FYN: variants seen among roughly 807,000 people sequenced by gnomAD.
The protein encoded by FYN is tyrosine-protein kinase Fyn.
Under a neutral mutation model 70.2 loss-of-function variants are expected in FYN, and 10 were observed. The ratio of observed to expected loss-of-function variants is 0.14; its 90% CI spans 0.09 to 0.24. FYN has a LOEUF of 0.24. Among genes scored for constraint, FYN ranks in the 10% least tolerant of loss-of-function variants. The probability of loss-of-function intolerance (pLI) is 1.00; values close to 1 mark genes in which losing one functional copy is unlikely to be tolerated. For missense variants in FYN, 319 were observed against 673.1 expected (o/e 0.47, Z 5.82); for synonymous variants, 236 against 248.6 (o/e 0.95, Z 0.48).
chr6:111,717,300 A>G (rs1273682671), intron 4 of FYN, among the ~76,000 whole-genome samples: 2 of 152,182 alleles, frequency 1.3e-5, no homozygotes, highest in African/African-American at 4.8e-5. Flanking sequence ...TTGAAAAAAA[A>G]AAGAAATTAA....
chr6:111,798,005 C>T (rs571888001), intron 2 of FYN, among the ~76,000 whole-genome samples: 7 of 152,054 alleles, frequency 4.6e-5, no homozygotes, highest in South Asian at 4.2e-4. Flanking sequence ...TCAGGTGATC[C>T]GCCCGCCTCG....
intron 2 of FYN, among the ~76,000 whole-genome samples, chr6:111,830,777 G>A (rs1400465738): frequency 2.0e-5 from 3 of 152,128 alleles, no homozygotes; most frequent in Admixed American, 2.0e-4. Flanking sequence ...GAGGATATAA[G>A]GGGATGAGCT....
At chr6:111,662,035 G>C in intron 13 of FYN, 88 bp from the exon 14 acceptor site, 2 of 1,113,320 alleles carry the variant, frequency 1.8e-6, no homozygotes, top group South Asian at 3.0e-5. Context: ...TCTTCTTTGC[G>C]TCTGCATGTG....
intron 2 of FYN, among the ~76,000 whole-genome samples, chr6:111,842,727 C>T (rs1042635122): frequency 2.0e-5 from 3 of 152,228 alleles, no homozygotes; most frequent in African/African-American, 7.2e-5. Flanking sequence ...AAGCTGGATT[C>T]CTGATGCGGC....
chr6:111,750,938 CA>C (rs1041907923), intron 3 of FYN, among the ~76,000 whole-genome samples: 1 of 152,084 alleles, frequency 6.6e-6, no homozygotes, highest in African/African-American at 2.4e-5. Context: ...TGAATGAGTG[CA>C]AGCCTCAGTG....
At chr6:111,872,821 C>T (rs1774324650) in intron 1 of FYN, 147 bp downstream of exon 1, 1 of 151,652 alleles carries the variant, frequency 6.6e-6, no homozygotes, top group Non-Finnish European at 1.5e-5. Context: ...GCACCGACTC[C>T]CCGGCAGCCC....
intron 1 of FYN, among the ~76,000 whole-genome samples, chr6:111,854,543 G>C (rs1442500628): frequency 6.6e-6 from 1 of 152,186 alleles, no homozygotes; most frequent in African/African-American, 2.4e-5. Context: ...AACACAGAAA[G>C]TTATAGGTTA....
At chr6:111,870,047 T>A (rs181698492) in intron 1 of FYN, among the ~76,000 whole-genome samples, 1,812 of 152,354 alleles carry the variant, frequency 0.012, 37 homozygotes, top group African/African-American at 0.042. Flanking sequence ...TAAGTGGCAG[T>A]GTTTGACAAA....
At chr6:111,687,605 G>GGTGGGTGTGT (rs767398366) in intron 12 of FYN, among the ~76,000 whole-genome samples, 4 of 143,364 alleles carry the variant, frequency 2.8e-5, no homozygotes, top group African/African-American at 1.1e-4. Context: ...GGGGTGGGTG[G>GGTGGGTGTGT]GTGTGTGTGT....
intron 2 of FYN, chr6:111,781,051 C>T (rs1295884517): frequency 6.6e-6 from 1 of 152,130 alleles, no homozygotes; most frequent in Non-Finnish European, 1.5e-5. Context: ...GACAGTTTTC[C>T]TAACCTTTCT....
chr6:111,804,761 G>A (rs1772096622), intron 2 of FYN, among the ~76,000 whole-genome samples: 1 of 152,184 alleles, frequency 6.6e-6, no homozygotes. Context: ...GTACTGTGGC[G>A]TTGTGTGGAA....
intron 13 of FYN, among the ~76,000 whole-genome samples, chr6:111,671,343 T>C (rs993979079): frequency 1.3e-5 from 2 of 152,216 alleles, no homozygotes; most frequent in African/African-American, 4.8e-5. Flanking sequence ...CCTTCTGGGA[T>C]TGTCACTTCT....
chr6:111,786,853 G>T (rs1243378820), intron 2 of FYN, among the ~76,000 whole-genome samples: 3 of 152,030 alleles, frequency 2.0e-5, no homozygotes, highest in South Asian at 2.1e-4. Context: ...GTTGGCTGCA[G>T]AAATGTCTTC....
intron 12 of FYN, among the ~76,000 whole-genome samples, chr6:111,689,917 T>C (rs1488995722): frequency 6.6e-6 from 1 of 152,190 alleles, no homozygotes; most frequent in African/African-American, 2.4e-5. Flanking sequence ...TTACTGTATG[T>C]GTGTTATAGC....
intron 1 of FYN, among the ~76,000 whole-genome samples, chr6:111,865,239 G>C (rs1341704934): frequency 1.3e-5 from 2 of 152,154 alleles, no homozygotes; most frequent in African/African-American, 4.8e-5. Context: ...GGGTTTACAA[G>C]GGCAGAGTAT....
At chr6:111,825,764 G>C (rs1312639977) in intron 2 of FYN, among the ~76,000 whole-genome samples, 1 of 152,126 alleles carries the variant, frequency 6.6e-6, no homozygotes, top group Admixed American at 6.5e-5. Context: ...GTTAGGAAAG[G>C]CTTGGGGGCT....
At chr6:111,667,698 A>G (rs1193981593) in intron 13 of FYN, among the ~76,000 whole-genome samples, 2 of 152,250 alleles carry the variant, frequency 1.3e-5, no homozygotes, top group African/African-American at 4.8e-5. Context: ...TTTGTTAACA[A>G]AATACCTCAA....
At chr6:111,724,529 G>GT (rs1263717163) in intron 3 of FYN, among the ~76,000 whole-genome samples, 1 of 152,236 alleles carries the variant, frequency 6.6e-6, no homozygotes, top group Non-Finnish European at 1.5e-5. Flanking sequence ...TGCAGGACGT[G>GT]TGATAAGATT....
At chr6:111,705,080 A>T (rs1800008758) in intron 6 of FYN, among the ~76,000 whole-genome samples, 1 of 152,124 alleles carries the variant, frequency 6.6e-6, no homozygotes, top group Non-Finnish European at 1.5e-5. Context: ...AAATAAACAA[A>T]AAAACAAAAC....
Sources: gnomAD v4.1 joint callset for allele counts (sites outside exome capture counted in the v4.1 genomes callset) on GRCh38, gnomAD v4.1.1 for gene constraint, MANE v1.5 for transcripts, NCBI Gene and HGNC (gene_info 2026-07-23, HGNC 2026-07-21) for gene names.